Variants in RASEF observed in about 807,000 individuals in gnomAD.
RASEF encodes ras and EF-hand domain-containing protein.
A neutral mutation model predicts 90.1 loss-of-function variants in RASEF; 68 were observed. That is an observed-to-expected ratio of 0.75 (90% CI 0.62 to 0.92). RASEF has a LOEUF of 0.92. Ranked by LOEUF, RASEF falls within the 40% of genes least tolerant of loss-of-function variation. RASEF has a pLI of 0.00. For missense variants in RASEF, 949 were observed against 937.2 expected (o/e 1.01, Z -0.16); for synonymous variants, 331 against 345.2 (o/e 0.96, Z 0.46).
the RASEF span, among the ~76,000 whole-genome samples, chr9:83,206,202 A>G: frequency 6.6e-6 from 1 of 152,240 alleles, no homozygotes; most frequent in African/African-American, 2.4e-5. Context: ...TTCAAAAAAC[A>G]AGGAAAGTGA....
intron 10 of RASEF, 69 bp downstream of exon 10, chr9:83,000,827 G>A: frequency 7.6e-7 from 1 of 1,319,714 alleles, no homozygotes; most frequent in Non-Finnish European, 1.1e-6. Flanking sequence ...ATGACAGATA[G>A]AAGGCAAATA....
intron 6 of RASEF, among the ~76,000 whole-genome samples, chr9:83,007,805 T>A (rs1829161030): frequency 6.6e-6 from 1 of 152,092 alleles, no homozygotes; most frequent in Admixed American, 6.5e-5. Context: ...AGCTCTTCCA[T>A]CCCCATGCTC....
the RASEF span, among the ~76,000 whole-genome samples, chr9:83,192,487 C>T: frequency 6.6e-6 from 1 of 152,102 alleles, no homozygotes; most frequent in African/African-American, 2.4e-5. Flanking sequence ...TTCTCACTTA[C>T]AAGTGGAAGC....
At chr9:83,031,643 T>C (rs7043478) in intron 1 of RASEF, among the ~76,000 whole-genome samples, 4,502 of 152,242 alleles carry the variant, frequency 0.03, 201 homozygotes, top group African/African-American at 0.1. Flanking sequence ...CTTAAGTACA[T>C]ACCTCCATTT....
the RASEF span, among the ~76,000 whole-genome samples, chr9:83,121,276 T>C: frequency 6.6e-6 from 1 of 152,154 alleles, no homozygotes; most frequent in Admixed American, 6.5e-5. Context: ...TTGACATATA[T>C]AGATGGTGTG....
chr9:83,039,487 G>T (rs892829549), intron 1 of RASEF, among the ~76,000 whole-genome samples: 1 of 152,170 alleles, frequency 6.6e-6, no homozygotes, highest in Non-Finnish European at 1.5e-5. Context: ...TCAGAACTCT[G>T]ACTCAGAGAG....
At chr9:83,076,012 A>T in the RASEF span, among the ~76,000 whole-genome samples, 1 of 152,214 alleles carries the variant, frequency 6.6e-6, no homozygotes, top group Non-Finnish European at 1.5e-5. Context: ...TACTAAAAAT[A>T]CAAAAATTAC....
chr9:83,136,825 C>G, the RASEF span, among the ~76,000 whole-genome samples: 1 of 151,890 alleles, frequency 6.6e-6, no homozygotes. Flanking sequence ...TTTTAGGTGT[C>G]CTCTTTATGG....
the RASEF span, among the ~76,000 whole-genome samples, chr9:83,146,315 A>ACTAAAAAAG: frequency 6.6e-6 from 1 of 152,010 alleles, no homozygotes; most frequent in African/African-American, 2.4e-5. Context: ...TCCTTCTAGA[A>ACTAAAAAAG]CTAAAAAAGT....
At chr9:83,085,256 T>C in the RASEF span, among the ~76,000 whole-genome samples, 8 of 152,336 alleles carry the variant, frequency 5.3e-5, no homozygotes, top group East Asian at 1.3e-3. Flanking sequence ...TAATTCTGTA[T>C]AAATTCAGTT....
chr9:83,009,571 G>C, intron 6 of RASEF, 70 bp downstream of exon 6: 1 of 822,522 alleles, frequency 1.2e-6, no homozygotes, highest in African/African-American at 1.7e-5. Context: ...TTCCATAGCT[G>C]AGCTTCTTTT....
At chr9:83,112,514 G>T in the RASEF span, among the ~76,000 whole-genome samples, 1 of 151,984 alleles carries the variant, frequency 6.6e-6, no homozygotes, top group African/African-American at 2.4e-5. Context: ...GAGAAACCCC[G>T]TCTCTACTAA....
intron 16 of RASEF, among the ~76,000 whole-genome samples, chr9:82,985,348 G>A (rs192808461): frequency 2.9e-4 from 44 of 152,266 alleles, no homozygotes; most frequent in Middle Eastern, 6.8e-3. Flanking sequence ...ATCAGATCTC[G>A]TGAGACTTAT....
At chr9:83,170,811 G>A in the RASEF span, among the ~76,000 whole-genome samples, 1 of 151,714 alleles carries the variant, frequency 6.6e-6, no homozygotes, top group Non-Finnish European at 1.5e-5. Context: ...AATTCTAACA[G>A]GTTTTTTTGG....
intron 3 of RASEF, among the ~76,000 whole-genome samples, chr9:83,021,924 T>C (rs11139902): frequency 1.3e-5 from 2 of 152,224 alleles, no homozygotes; most frequent in East Asian, 3.9e-4. Flanking sequence ...CACTCTAATC[T>C]AGATTTAAAG....
intron 4 of RASEF, among the ~76,000 whole-genome samples, chr9:83,013,472 C>T (rs1433143200): frequency 6.6e-6 from 1 of 152,188 alleles, no homozygotes; most frequent in African/African-American, 2.4e-5. Flanking sequence ...CGCATTTTGA[C>T]TTCAGAGAAG....
the RASEF span, among the ~76,000 whole-genome samples, chr9:83,182,333 A>G: frequency 6.6e-6 from 1 of 152,222 alleles, no homozygotes. Context: ...GGAATCTTTG[A>G]CAAGTATCAG....
intron 1 of RASEF, among the ~76,000 whole-genome samples, chr9:83,038,031 T>C (rs1262586720): frequency 6.6e-6 from 1 of 152,098 alleles, no homozygotes; most frequent in Non-Finnish European, 1.5e-5. Flanking sequence ...TTGAGGGTCT[T>C]CCTATCTTGA....
At chr9:83,165,788 C>A in the RASEF span, among the ~76,000 whole-genome samples, 5 of 151,862 alleles carry the variant, frequency 3.3e-5, no homozygotes. Flanking sequence ...AGATGACACA[C>A]AATACTAATA....
Sources: gnomAD v4.1 joint callset for allele counts (sites outside exome capture counted in the v4.1 genomes callset) on GRCh38, gnomAD v4.1.1 for gene constraint, MANE v1.5 for transcripts, NCBI Gene and HGNC (gene_info 2026-07-23, HGNC 2026-07-21) for gene names.